Variants in USP37 observed in about 807,000 individuals in gnomAD.
USP37 encodes ubiquitin carboxyl-terminal hydrolase 37.
USP37 carries 27 observed loss-of-function variants against 124.0 expected under a neutral mutation model. The ratio of observed to expected loss-of-function variants is 0.22; its 90% confidence interval spans 0.16 to 0.30. USP37 has a LOEUF of 0.30. USP37 is among the 10% of genes least tolerant of loss of function. The pLI is 1.00. For synonymous variants in USP37, 365 were observed against 388.0 expected, an observed-to-expected ratio of 0.94 and a Z score of 0.70; for missense variants, 889 against 1,140.4, an observed-to-expected ratio of 0.78 and a Z score of 3.17.
rs1388832130 is a variant in USP37, at chr2:218,467,945, C to T, written c.2300-1769G>A. On this transcript the variant is annotated intron_variant, in intron 20 of 25. Coordinates refer to ENST00000258399, the MANE Select transcript of USP37 (RefSeq NM_020935.3). ...CTCTGTCGCCCAGGGTGGAGTGCAG[C>T]GGCACAATATCCGCTCACTGCAACC... Among the ~76,000 whole-genome samples, 47 of 149,026 alleles carry T rather than the reference C, an allele frequency of 3.2e-4. 1 individual carries two copies. Among genetic ancestry groups the T allele is most frequent in the African/African-American group, 1.1e-3 (45 of 40,084 alleles).
intron 3 of USP37, among the ~76,000 whole-genome samples, chr2:218,560,296 T>G (rs535777172): frequency 1.3e-5 from 2 of 152,306 alleles, no homozygotes; most frequent in Admixed American, 6.5e-5. Flanking sequence ...CCAGAAAGGC[T>G]AGTATATAAA....
At chr2:218,463,557 AC>A in intron 21 of USP37, among the ~76,000 whole-genome samples, 191 bp from the exon 22 acceptor site, 2 of 116,624 alleles carry the variant, frequency 1.7e-5, no homozygotes, top group South Asian at 5.2e-4. Flanking sequence ...TTTTTTTGAG[AC>A]GGAGTCTCGC....
chr2:218,560,005 A>C (rs1373793239), intron 3 of USP37, among the ~76,000 whole-genome samples: 1 of 152,104 alleles, frequency 6.6e-6, no homozygotes, highest in African/African-American at 2.4e-5. Flanking sequence ...ACAAAAAAAA[A>C]ACACAAAAAA....
intron 22 of USP37, among the ~76,000 whole-genome samples, chr2:218,460,779 A>G (rs1689974750): frequency 6.6e-6 from 1 of 152,020 alleles, no homozygotes; most frequent in Non-Finnish European, 1.5e-5. Context: ...CTTCTCTACT[A>G]AAAATACAAA....
At chr2:218,544,428 T>TAGAGAGAGAGAGAG (rs1241793062) in intron 8 of USP37, among the ~76,000 whole-genome samples, 43 of 50,060 alleles carry the variant, frequency 8.6e-4, no homozygotes, top group Admixed American at 4.6e-3. Context: ...TATATATATA[T>TAGAGAGAGAGAGAG]ATAGAGAGAG....
intron 10 of USP37, among the ~76,000 whole-genome samples, chr2:218,511,884 A>AT (rs915196249): frequency 3.3e-5 from 5 of 151,046 alleles, no homozygotes; most frequent in African/African-American, 1.2e-4. Context: ...GAGCACAGAA[A>AT]TTTTTTCCTG....
chr2:218,469,730 G>A lies in USP37; in HGVS notation c.2300-3554C>T, dbSNP rs1033650328. 2.0e-5 allele frequency among the ~76,000 whole-genome samples: 3 copies of A among 151,714 alleles called. No individual in the cohort carries two copies. In the East Asian group the frequency reaches 5.8e-4, roughly 29 times the overall value. The stretch of plus-strand genomic sequence containing the variant: ...ACAGAACGTATTTAAAAATCTATGG[G>A]GACAAACATGGCCATGAAATAATAA... On this transcript the variant is annotated intron_variant, in intron 20 of 25. Transcript: ENST00000258399.
chr2:218,468,752 G>A (rs1383426106), intron 20 of USP37, among the ~76,000 whole-genome samples: 1 of 151,786 alleles, frequency 6.6e-6, no homozygotes, highest in African/African-American at 2.4e-5. Context: ...GGAGTACAGT[G>A]GCACAATCTC....
chr2:218,540,491 T>G (rs941530234), intron 8 of USP37, among the ~76,000 whole-genome samples: 1 of 151,916 alleles, frequency 6.6e-6, no homozygotes, highest in African/African-American at 2.4e-5. Context: ...AAAATAAAAA[T>G]AGCCAAGACT....
At chr2:218,515,209 C>A (rs558587501) in intron 10 of USP37, among the ~76,000 whole-genome samples, 1 of 147,510 alleles carries the variant, frequency 6.8e-6, no homozygotes, top group East Asian at 2.0e-4. Context: ...TCATAGGGAA[C>A]TTTTTTTTTT....
At chr2:218,498,642 G>A (rs1409130667) in intron 11 of USP37, among the ~76,000 whole-genome samples, 1 of 152,068 alleles carries the variant, frequency 6.6e-6, no homozygotes, top group Non-Finnish European at 1.5e-5. Flanking sequence ...CACGAGAATC[G>A]CTTGAACCCA....
At chr2:218,491,033 C>G (rs902403348) in intron 14 of USP37, among the ~76,000 whole-genome samples, 1 of 152,142 alleles carries the variant, frequency 6.6e-6, no homozygotes, top group Admixed American at 6.5e-5. Context: ...ACCACCATGT[C>G]TGGCTATTTT....
chr2:218,483,410 A>G (rs574893205), intron 16 of USP37, among the ~76,000 whole-genome samples: 97 of 152,166 alleles, frequency 6.4e-4, no homozygotes, highest in Non-Finnish European at 1.1e-3. Flanking sequence ...TTCAAGAATA[A>G]GAGTGGCTTT....
Position 218,450,851 on chromosome 2 carries a change from C to T in USP37, c.*4079G>A, listed in dbSNP as rs1449874409. The T allele has an allele frequency of 6.6e-6, 1 of 152,204 alleles. No individual in the cohort carries two copies. The highest frequency in any genetic ancestry group is 2.4e-5 in the African/African-American group (1 of 41,464). The allele number at this position is 152,204 out of a possible 1,614,324, so 9.4% of individuals were successfully genotyped here. On this transcript the variant is annotated 3_prime_UTR_variant, in exon 26 of 26. Transcript: ENST00000258399. The stretch of plus-strand genomic sequence containing the variant: ...ACAAAATCAAATGCTTATATTCAGA[C>T]TGGCACACTTTTTAAATAAAAACTC...
Position 218,546,262 on chromosome 2 carries a change from T to C in USP37, c.639A>G (p.Ser213=), listed in dbSNP as rs760864390. The change falls in exon 8 of 26, where the codon TCA becomes TCG. Residue 213 remains serine (S), a synonymous_variant. Coordinates refer to ENST00000258399, the MANE Select transcript of USP37 (RefSeq NM_020935.3). Reference sequence around the variant, plus strand: ...CCTTAGGGTAATCTTCATTCAATTCTGAGCCAGTTGATATCATTCTTTTCC... The same window carrying C: ...CCTTAGGGTAATCTTCATTCAATTCCGAGCCAGTTGATATCATTCTTTTCC... ...EKRKRMISTG[S]ELNEDYPKEN... is the part of the protein sequence containing the mutation. 6.2e-7 allele frequency: 1 copy of C among 1,613,292 alleles called. No homozygotes were observed. Among genetic ancestry groups the C allele is most frequent in the Non-Finnish European group, 8.5e-7 (1 of 1,179,826 alleles).
rs1382341430 is a variant in USP37, at chr2:218,474,825, T to C, written c.2104A>G (p.Arg702Gly). The C allele has an allele frequency of 6.2e-7, 1 of 1,614,122 alleles. No homozygotes were observed. Among genetic ancestry groups the C allele is most frequent in the Admixed American group, 1.7e-5 (1 of 60,014 alleles). ...KSELENSGFD[R>G]MSEEELLAAV... ...GCTAGAAGCTCTTCTTCGCTCATTC[T>C]GTCAAATCCTGAGTTTTCCAATTCA... The change falls in exon 20 of 26, where the codon AGA becomes GGA. Residue 702 changes from arginine to glycine, a missense_variant. Coordinates refer to ENST00000258399, the MANE Select transcript of USP37 (RefSeq NM_020935.3).
chr2:218,498,633 A>G (rs1689198350), intron 11 of USP37, among the ~76,000 whole-genome samples: 1 of 152,154 alleles, frequency 6.6e-6, no homozygotes, highest in Non-Finnish European at 1.5e-5. Context: ...AGGCTGAGGC[A>G]CGAGAATCGC....
At chr2:218,483,234 T>C (rs1574863432) in intron 16 of USP37, among the ~76,000 whole-genome samples, 1 of 152,236 alleles carries the variant, frequency 6.6e-6, no homozygotes, top group Non-Finnish European at 1.5e-5. Flanking sequence ...TAAAAGGTAA[T>C]ATGAGGCTAC....
chr2:218,468,705 A>AT (rs1482518486), intron 20 of USP37, among the ~76,000 whole-genome samples: 1 of 151,522 alleles, frequency 6.6e-6, no homozygotes, highest in Non-Finnish European at 1.5e-5. Context: ...ATCTTATTTT[A>AT]TTTTTTGAGA....
Sources: gnomAD v4.1 joint callset for allele counts (sites outside exome capture counted in the v4.1 genomes callset) on GRCh38, gnomAD v4.1.1 for gene constraint, MANE v1.5 for transcripts, NCBI Gene and HGNC (gene_info 2026-07-23, HGNC 2026-07-21) for gene names.